Variants in HS3ST2 observed in about 807,000 individuals in gnomAD.
HS3ST2 encodes the protein heparan sulfate-glucosamine 3-sulfotransferase 2, also known as heparan sulfate glucosamine 3-O-sulfotransferase 2.
A neutral mutation model predicts 26.3 loss-of-function variants in HS3ST2; 17 were observed. The observed-to-expected ratio is 0.65, with a 90% CI of 0.44 to 0.97. The LOEUF (loss-of-function observed/expected upper bound fraction) is 0.97, where lower values mean the gene tolerates loss of function less well. HS3ST2 is among the 50% of genes least tolerant of loss of function. HS3ST2 has a pLI of 0.00. For synonymous variants in HS3ST2, 237 were observed against 219.2 expected, an observed-to-expected ratio of 1.08 and a Z score of -0.72; for missense variants, 402 against 501.2, an observed-to-expected ratio of 0.80 and a Z score of 1.89.
intron 1 of HS3ST2, among the ~76,000 whole-genome samples, chr16:22,879,338 AG>A (rs1467568157): frequency 6.6e-6 from 1 of 152,236 alleles, no homozygotes; most frequent in Non-Finnish European, 1.5e-5. Context: ...AAGGCCCCGC[AG>A]GCAGGACTGC....
At chr16:22,834,090 A>C (rs1390041753) in intron 1 of HS3ST2, among the ~76,000 whole-genome samples, 1 of 152,208 alleles carries the variant, frequency 6.6e-6, no homozygotes, top group African/African-American at 2.4e-5. Flanking sequence ...CTGGGTGTGA[A>C]ATTGGGTGCA....
At chr16:22,821,433 G>T (rs779157349) in intron 1 of HS3ST2, among the ~76,000 whole-genome samples, 1 of 151,512 alleles carries the variant, frequency 6.6e-6, no homozygotes, top group East Asian at 1.9e-4. Flanking sequence ...GAGTGACAGG[G>T]TGCATGGGGA....
chr16:22,844,008 T>TACACACAC (rs71876208), intron 1 of HS3ST2, among the ~76,000 whole-genome samples: 3 of 148,420 alleles, frequency 2.0e-5, no homozygotes, highest in Admixed American at 6.7e-5. Context: ...GATGAAAACC[T>TACACACAC]ACACACACAC....
rs879568488 is a variant in HS3ST2 at position 22,880,846 on chromosome 16, A to ATT, written c.486-34098_486-34097insTT. Among the ~76,000 whole-genome samples, 1,264 of 152,346 alleles carry ATT rather than the reference A, an allele frequency of 8.3e-3. 14 individuals carry two copies. Among genetic ancestry groups the ATT allele is most frequent in the African/African-American group, 0.028 (1,175 of 41,590 alleles). On this transcript the variant is annotated intron_variant, in intron 1 of 1. Transcript: ENST00000261374. ...GTGAGGATTATGTAACCCAGGTGCC[A>ATT]ATAGACACCTTTGCCAGTCACCTGA...
chr16:22,883,468 T>C (rs543592355), intron 1 of HS3ST2, among the ~76,000 whole-genome samples: 3 of 152,312 alleles, frequency 2.0e-5, no homozygotes, highest in East Asian at 1.9e-4. Context: ...GGAAGAGAAA[T>C]TGGGTCTGTG....
intron 1 of HS3ST2, among the ~76,000 whole-genome samples, chr16:22,839,527 A>C (rs1392435979): frequency 1.3e-5 from 2 of 152,154 alleles, no homozygotes; most frequent in Non-Finnish European, 2.9e-5. Flanking sequence ...AAGCTGCTGC[A>C]CAGGTAACTC....
chr16:22,824,470 C>T (rs1452863027), intron 1 of HS3ST2, among the ~76,000 whole-genome samples: 4 of 152,146 alleles, frequency 2.6e-5, no homozygotes, highest in African/African-American at 9.7e-5. Context: ...TGGCGTGAAC[C>T]CGGGAGGCAG....
intron 1 of HS3ST2, among the ~76,000 whole-genome samples, chr16:22,835,296 T>TTTTG (rs3073641): frequency 0.26 from 39,026 of 151,592 alleles, 6,074 homozygotes; most frequent in African/African-American, 0.44. Flanking sequence ...TTTCTGTTCT[T>TTTTG]TTTGTTTGTT....
intron 1 of HS3ST2, among the ~76,000 whole-genome samples, chr16:22,818,705 T>C (rs1352170749): frequency 1.1e-5 from 1 of 94,170 alleles, no homozygotes; most frequent in Non-Finnish European, 2.1e-5. Context: ...CCTTCCTTCC[T>C]TCCCTCCTTC....
At chr16:22,826,881 A>T (rs1901094389) in intron 1 of HS3ST2, among the ~76,000 whole-genome samples, 1 of 152,174 alleles carries the variant, frequency 6.6e-6, no homozygotes, top group Non-Finnish European at 1.5e-5. Context: ...ACAGACAACA[A>T]TTTCTGCCTT....
intron 1 of HS3ST2, among the ~76,000 whole-genome samples, chr16:22,858,075 T>G (rs937510745): frequency 1.4e-5 from 2 of 141,604 alleles, no homozygotes; most frequent in African/African-American, 5.6e-5. Flanking sequence ...ACTTTTGCCC[T>G]CTTTAAGAGC....
intron 1 of HS3ST2, among the ~76,000 whole-genome samples, chr16:22,855,161 A>G (rs1361191621): frequency 6.6e-6 from 1 of 152,010 alleles, no homozygotes; most frequent in Non-Finnish European, 1.5e-5. Context: ...TGACATTGGC[A>G]TTTTTCACAG....
intron 1 of HS3ST2, among the ~76,000 whole-genome samples, chr16:22,822,283 A>G (rs1480932654): frequency 6.6e-6 from 1 of 152,052 alleles, no homozygotes; most frequent in Non-Finnish European, 1.5e-5. Context: ...CTCCCACCTC[A>G]GCCTCCCAAG....
At chr16:22,847,101 A>G (rs150231770) in intron 1 of HS3ST2, among the ~76,000 whole-genome samples, 1 of 152,208 alleles carries the variant, frequency 6.6e-6, no homozygotes, top group African/African-American at 2.4e-5. Context: ...CTAGTACCCA[A>G]TAGTTATTTC....
intron 1 of HS3ST2, among the ~76,000 whole-genome samples, chr16:22,846,807 A>T (rs1596612589): frequency 6.6e-6 from 1 of 152,274 alleles, no homozygotes; most frequent in Non-Finnish European, 1.5e-5. Flanking sequence ...TGTAAAAAAA[A>T]ATATGCCAGG....
intron 1 of HS3ST2, among the ~76,000 whole-genome samples, chr16:22,853,410 A>G (rs1262104342): frequency 6.6e-6 from 1 of 152,148 alleles, no homozygotes; most frequent in African/African-American, 2.4e-5. Context: ...TCTTCCACAG[A>G]AAAGAGGAAG....
chr16:22,876,264 A>T (rs1901915013), intron 1 of HS3ST2, among the ~76,000 whole-genome samples: 1 of 152,182 alleles, frequency 6.6e-6, no homozygotes, highest in Admixed American at 6.5e-5. Context: ...TAAAACAAAT[A>T]ATCTCATCAA....
In HS3ST2 at chr16:22,867,538, A is replaced by G. The variant is rs533395563; in HGVS notation, c.486-47406A>G. On this transcript the variant is annotated intron_variant, in intron 1 of 1. Transcript: ENST00000261374. The stretch of plus-strand genomic sequence containing the variant: ...TAAACAAGAAAGAGATAAACAACCT[A>G]ACAAGTTGTGCAATGAACATGAACA... Among the ~76,000 whole-genome samples, 3 of 152,376 alleles carry G rather than the reference A, an allele frequency of 2.0e-5. No individual in the cohort carries two copies. In the East Asian group the frequency reaches 5.8e-4, roughly 29 times the overall value.
intron 1 of HS3ST2, among the ~76,000 whole-genome samples, chr16:22,863,676 G>T (rs892295552): frequency 3.3e-5 from 5 of 152,162 alleles, no homozygotes; most frequent in African/African-American, 1.2e-4. Flanking sequence ...AAAATCATCA[G>T]CTCCTGTGAC....
Sources: gnomAD v4.1 joint callset for allele counts (sites outside exome capture counted in the v4.1 genomes callset) on GRCh38, gnomAD v4.1.1 for gene constraint, MANE v1.5 for transcripts, NCBI Gene and HGNC (gene_info 2026-07-23, HGNC 2026-07-21) for gene names.